The following SCAF1 variants were observed in gnomAD, a reference collection of about 807,000 sequenced individuals.
SCAF1 encodes the protein splicing factor, arginine/serine-rich 19.
A neutral mutation model predicts 91.2 loss-of-function variants in SCAF1; 28 were observed. The observed-to-expected ratio is 0.31, with a 90% confidence interval of 0.23 to 0.42. The LOEUF (loss-of-function observed/expected upper bound fraction) is 0.42, where lower values mean the gene tolerates loss of function less well. Ranked by LOEUF, SCAF1 falls within the 10% of genes least tolerant of loss-of-function variation. The probability of loss-of-function intolerance (pLI) is 1.00; values close to 1 mark genes in which losing one functional copy is unlikely to be tolerated. For synonymous variants in SCAF1, 1,036 were observed against 833.7 expected (o/e 1.24, Z -4.18); for missense variants, 1,893 against 1,872.1 (o/e 1.01, Z -0.21).
At position 49,644,384 on chromosome 19, in the gene SCAF1, C is replaced by A. The variant is rs77728385; in HGVS notation, c.-6-637C>A. On this transcript the variant is annotated intron_variant, in intron 1 of 10. Transcript: ENST00000360565. ...GGTAAATGCCTCCTGTGAAGTTTTC[C>A]TTCGGCATGTCTTTCTGAAGTTTAG... 7.7e-3 allele frequency among the ~76,000 whole-genome samples: 1,172 copies of A among 152,298 alleles called. 13 individuals carry two copies. The highest frequency in any genetic ancestry group is 0.027 in the African/African-American group (1,122 of 41,556).
intron 7 of SCAF1, 99 bp from the exon 8 acceptor site, chr19:49,654,250 C>A: frequency 9.7e-7 from 1 of 1,031,096 alleles, no homozygotes; most frequent in Non-Finnish European, 1.5e-6. Flanking sequence ...GTTCTGGGGC[C>A]AAGGGCAGGA....
At position 49,657,835 on chromosome 19, in the gene SCAF1, G is replaced by C; in HGVS notation, c.3693G>C (p.Lys1231Asn). Reference protein sequence around the residue: ...VKLAIKPYYQKKDITKEEYKD... With the variant: ...VKLAIKPYYQNKDITKEEYKD... ...TGGCCATCAAGCCATACTATCAGAA[G>C]AAGGACATCACCAAGGAGGAGTACA... Residue 1231 changes from lysine (K) to asparagine (N), a missense_variant, in exon 10 of 11, where the codon AAG becomes AAC. This residue lies in a region of SCAF1 where 56 missense variants were observed against 106.3 expected (regional missense o/e 0.53). Coordinates refer to ENST00000360565, the MANE Select transcript of SCAF1 (RefSeq NM_021228.3). 6.2e-7 allele frequency: 1 copy of C among 1,611,178 alleles called. No homozygotes were observed. Among genetic ancestry groups the C allele is most frequent in the Non-Finnish European group, 8.5e-7 (1 of 1,178,620 alleles).
Position 49,646,884 on chromosome 19 carries a change from C to A in SCAF1, c.478+54C>A. On this transcript the variant is annotated intron_variant, in intron 6 of 10. Transcript: ENST00000360565. This position sits in a 1 kb window ranked among gnomAD's most constrained non-coding sequence, Gnocchi z 5.6. ...GGTGGTCGTGGAGTTGTGTGGGGAT[C>A]GGCTGTTTTTGGTAGTGATGGTAGC... is the stretch of plus-strand genomic sequence containing the variant. 1 of 1,418,146 alleles carries A rather than the reference C, an allele frequency of 7.1e-7. No individual in the cohort carries two copies. Among genetic ancestry groups the A allele is most frequent in the Non-Finnish European group, 9.6e-7 (1 of 1,037,238 alleles). 87.8% of individuals were successfully genotyped at this position (1,418,146 alleles called of 1,614,324 possible).
chr19:49,652,208 C>T lies in SCAF1; in HGVS notation c.1819C>T (p.Arg607Ter). 2 of 1,311,824 alleles carry T rather than the reference C, an allele frequency of 1.5e-6. No individual in the cohort carries two copies. Among genetic ancestry groups the T allele is most frequent in the South Asian group, 1.9e-5 (1 of 51,732 alleles). 81.3% of individuals were successfully genotyped at this position (1,311,824 alleles called of 1,614,324 possible). Residue 607 changes from arginine to a stop codon, truncating the protein, a stop_gained, in exon 7 of 11, where the codon CGA (arginine) becomes TGA (stop). Coordinates refer to ENST00000360565, the MANE Select transcript of SCAF1 (RefSeq NM_021228.3). LOFTEE classifies it high-confidence loss of function. ...SRRSRSREKR[R>*]RRRRSASPPP... ...CAGGTCGCGGTCCCGGGAGAAGCGGCGACGGCGGCGGCGCTCCGCCTCCCC... is the reference window on the plus strand; with the variant it reads ...CAGGTCGCGGTCCCGGGAGAAGCGGTGACGGCGGCGGCGCTCCGCCTCCCC...
rs561337537 is a variant in SCAF1 at position 49,645,252 on chromosome 19, G to C, written c.109-102G>C. The C allele has an allele frequency of 2.7e-6, 4 of 1,508,262 alleles. No individual in the cohort carries two copies. The African/African-American group carries it at 5.5e-5, about 21-fold the overall frequency. The allele number at this position is 1,508,262 out of a possible 1,614,324, so 93.4% of individuals were successfully genotyped here. On this transcript the variant is annotated intron_variant, in intron 2 of 10. Transcript: ENST00000360565. The surrounding 1 kb of genome is among the most constrained non-coding windows in gnomAD (Gnocchi z 4.6). ...GACTCTTGGCTCCCTTGAAGCACTT[G>C]AGTCTAGCTGTCAGTGTCTGGGATG...
intron 6 of SCAF1, 46 bp from the exon 7 acceptor site, chr19:49,650,822 G>A (rs754967429): frequency 2.7e-6 from 4 of 1,490,846 alleles, no homozygotes; most frequent in Non-Finnish European, 3.7e-6. Context: ...GGCACCAGGA[G>A]GGAGGCAAAG....
At position 49,651,577 on chromosome 19, in the gene SCAF1, C is replaced by G; in HGVS notation, c.1188C>G (p.Ile396Met). The G allele has an allele frequency of 6.5e-7, 1 of 1,547,020 alleles. No homozygotes were observed. Among genetic ancestry groups the G allele is most frequent in the Non-Finnish European group, 8.7e-7 (1 of 1,147,262 alleles). The change falls in exon 7 of 11, where the codon ATC becomes ATG. Residue 396 changes from isoleucine to methionine, a missense_variant. This residue lies in a region of SCAF1 where 1,436 missense variants were observed against 1,306.8 expected (regional missense o/e 1.10). Coordinates refer to ENST00000360565, the MANE Select transcript of SCAF1 (RefSeq NM_021228.3). Reference protein sequence around the residue: ...PGDSEIEEGEIVQPEEEPRLA... With the variant: ...PGDSEIEEGEMVQPEEEPRLA... ...ACTCGGAGATCGAGGAAGGGGAGAT[C>G]GTCCAGCCGGAGGAGGAGCCCAGGC...
At chr19:49,641,473 C>A (rs1255771824), upstream of SCAF1, among the ~76,000 whole-genome samples, 1 of 152,140 alleles carries the variant, frequency 6.6e-6, no homozygotes, top group Non-Finnish European at 1.5e-5. Context: ...TTAGCCACCA[C>A]GCCAGGCTAA....
intron 9 of SCAF1, among the ~76,000 whole-genome samples, chr19:49,657,468 T>A (rs2081147016): frequency 6.6e-6 from 1 of 152,250 alleles, no homozygotes; most frequent in African/African-American, 2.4e-5. Flanking sequence ...CTCATCAGAC[T>A]GAACTTTGTG....
chr19:49,655,114 A>G (rs933888276), intron 9 of SCAF1, among the ~76,000 whole-genome samples: 4 of 152,172 alleles, frequency 2.6e-5, no homozygotes, highest in Non-Finnish European at 4.4e-5. Context: ...TACACACCAC[A>G]TATACACACC....
Position 49,645,437 on chromosome 19 carries a change from G to T in SCAF1, c.166+26G>T, listed in dbSNP as rs752915412. ...GTATGGCGGCTTCCGGTTCCTTTTA[G>T]CCCCTGCCCCCTCTCTGCATTCTTT... On this transcript the variant is annotated intron_variant, in intron 3 of 10. Coordinates refer to ENST00000360565, the MANE Select transcript of SCAF1 (RefSeq NM_021228.3). This position sits in a 1 kb window ranked among gnomAD's most constrained non-coding sequence, Gnocchi z 4.6. 2 of 1,602,624 alleles carry T rather than the reference G, an allele frequency of 1.2e-6. No homozygotes were observed. The highest frequency in any genetic ancestry group is 1.7e-6 in the Non-Finnish European group (2 of 1,174,048).
Position 49,646,092 on chromosome 19 carries a change from G to A in SCAF1, c.167-16G>A. 1 of 1,610,206 alleles carries A rather than the reference G, an allele frequency of 6.2e-7. No homozygotes were observed. The highest frequency in any genetic ancestry group is 1.1e-5 in the South Asian group (1 of 91,038). On this transcript the variant is annotated splice_polypyrimidine_tract_variant and intron_variant, in intron 3 of 10. Transcript: ENST00000360565. The surrounding 1 kb of genome is among the most constrained non-coding windows in gnomAD (Gnocchi z 5.6). Reference sequence around the variant, plus strand: ...AAGTCCCCTGTGTCCAATCCCCCATGCAAATCTCTCACCAGATGGCTCTCG... The same window carrying A: ...AAGTCCCCTGTGTCCAATCCCCCATACAAATCTCTCACCAGATGGCTCTCG...
intron 6 of SCAF1, among the ~76,000 whole-genome samples, chr19:49,650,540 G>A (rs553939591): frequency 6.6e-6 from 1 of 152,256 alleles, no homozygotes; most frequent in East Asian, 1.9e-4. Flanking sequence ...AGGGTACATT[G>A]CCCAGGGTCA....
At position 49,648,969 on chromosome 19, in the gene SCAF1, C is replaced by CAA. The variant is rs71180644; in HGVS notation, c.479-1880_479-1879dup. On this transcript the variant is annotated intron_variant, in intron 6 of 10. Coordinates refer to ENST00000360565, the MANE Select transcript of SCAF1 (RefSeq NM_021228.3). ...TGGGTAACAGAGTGAGACTCCCTCT[C>CAA]AAAAAAAAAAAAAAAAAAAATCAGA... 7.3e-3 allele frequency among the ~76,000 whole-genome samples: 467 copies of CAA among 63,878 alleles called. 1 individual carries two copies. Among genetic ancestry groups the CAA allele is most frequent in the Middle Eastern group, 0.025 (3 of 118 alleles). 41.9% of individuals were successfully genotyped at this position (63,878 alleles called of 152,430 possible).
At chr19:49,650,724 A>G in intron 6 of SCAF1, 144 bp from the exon 7 acceptor site, 1 of 613,726 alleles carries the variant, frequency 1.6e-6, no homozygotes, top group Non-Finnish European at 2.9e-6. Context: ...TGTTGGGAGC[A>G]TCCTACGGCT....
chr19:49,654,283 A>G (rs1193417385), intron 7 of SCAF1, 66 bp from the exon 8 acceptor site: 10 of 1,362,070 alleles, frequency 7.3e-6, no homozygotes, highest in Non-Finnish European at 1.0e-5. Context: ...TGTCCAGGTG[A>G]GGTTCACCAG....
Position 49,652,716 on chromosome 19 carries a change from G to C in SCAF1, c.2327G>C (p.Gly776Ala). Residue 776 changes from glycine (G) to alanine (A), a missense_variant, in exon 7 of 11, where the codon GGT (glycine) becomes GCT (alanine). Gly to Ala is a moderately conservative substitution (Grantham distance 60). Coordinates refer to ENST00000360565, the MANE Select transcript of SCAF1 (RefSeq NM_021228.3). ...KGSRRKALDG[G>A]DRDRDRDRDR... The stretch of plus-strand genomic sequence containing the variant: ...TCTCGTCGGAAGGCGCTGGACGGGG[G>C]TGACCGGGATCGGGACAGGGACAGA... 1 of 1,591,338 alleles carries C rather than the reference G, an allele frequency of 6.3e-7. No individual in the cohort carries two copies. The highest frequency in any genetic ancestry group is 1.1e-5 in the South Asian group (1 of 88,440).
rs1406337873 is a variant in SCAF1 at position 49,642,727 on chromosome 19, A to G, written c.-7+485A>G. 6.6e-6 allele frequency: 1 copy of G among 152,384 alleles called. No homozygotes were observed. Among genetic ancestry groups the G allele is most frequent in the Non-Finnish European group, 1.5e-5 (1 of 68,216 alleles). The allele number at this position is 152,384 out of a possible 1,614,324, so 9.4% of individuals were successfully genotyped here. A position where few individuals can be genotyped will look rare whatever the true frequency, so the allele number is the denominator to read the frequency against. On this transcript the variant is annotated intron_variant, in intron 1 of 10. Transcript: ENST00000360565. The surrounding 1 kb of genome is among the most constrained non-coding windows in gnomAD (Gnocchi z 4.0). ...CTGGGGTATGTCTTTTAGGGCTGGA[A>G]AGTGTCTGCATGGGCTGGCCTGAGG...
Position 49,652,873 on chromosome 19 carries a change from C to G in SCAF1, c.2484C>G (p.Ser828=). 2 of 1,614,036 alleles carry G rather than the reference C, an allele frequency of 1.2e-6. No homozygotes were observed. The highest frequency in any genetic ancestry group is 1.7e-6 in the Non-Finnish European group (2 of 1,179,996). The stretch of plus-strand genomic sequence containing the variant: ...CATCCTCGTCGTCCTCCTGTTCTTC[C>G]CGGAAGGTGAAGCTGCAGTCCAAGG... ...GSSSSSSSCS[S]RKVKLQSKVA... Residue 828 remains serine, a synonymous_variant, in exon 7 of 11, where the codon TCC becomes TCG. Coordinates refer to ENST00000360565, the MANE Select transcript of SCAF1 (RefSeq NM_021228.3).
Sources: allele counts gnomAD v4.1 joint callset (sites outside exome capture counted in the v4.1 genomes callset), GRCh38; gene constraint gnomAD v4.1.1; regional missense constraint gnomAD v4.1.1; non-coding constraint Gnocchi (gnomAD v3.1); transcripts MANE v1.5; gene names NCBI Gene and HGNC (gene_info 2026-07-23, HGNC 2026-07-21).